Variants in DSCAM observed in about 807,000 individuals in gnomAD.
DSCAM encodes DS cell adhesion molecule.
Under a neutral mutation model 217.7 loss-of-function variants are expected in DSCAM, and 47 were observed. That is an observed-to-expected ratio of 0.22 (90% CI 0.17 to 0.28). The LOEUF (loss-of-function observed/expected upper bound fraction) is 0.28. Ranked by LOEUF, DSCAM falls within the 10% of genes least tolerant of loss-of-function variation. The pLI is 1.00. For missense variants in DSCAM, 2,080 were observed against 2,618.3 expected, an observed-to-expected ratio of 0.79 and a Z score of 4.49; for synonymous variants, 1,056 against 1,015.3, an observed-to-expected ratio of 1.04 and a Z score of -0.76.
chr21:40,184,487 A>G (rs1000373), intron 14 of DSCAM, among the ~76,000 whole-genome samples: 65,122 of 151,856 alleles, frequency 0.43, 16,933 homozygotes, highest in African/African-American at 0.74. Flanking sequence ...CTCCAGGGCT[A>G]CATAAACATC....
intron 3 of DSCAM, among the ~76,000 whole-genome samples, chr21:40,554,201 T>G (rs954224698): frequency 1.0e-3 from 156 of 151,902 alleles, no homozygotes; most frequent in Admixed American, 2.2e-3. Flanking sequence ...TGTTAGTTTT[T>G]TTTTTTTTTT....
intron 3 of DSCAM, among the ~76,000 whole-genome samples, chr21:40,419,766 T>C (rs926728054): frequency 1.1e-4 from 17 of 152,212 alleles, no homozygotes; most frequent in Non-Finnish European, 1.0e-4. Flanking sequence ...AATTCTATCA[T>C]TGTCAGCATC....
chr21:40,593,560 G>A (rs907207564), intron 3 of DSCAM, among the ~76,000 whole-genome samples: 11 of 152,110 alleles, frequency 7.2e-5, no homozygotes, highest in Non-Finnish European at 1.2e-4. Context: ...TGGCCAAGCT[G>A]GTCTTGAGCT....
intron 10 of DSCAM, among the ~76,000 whole-genome samples, chr21:40,279,054 A>G (rs1466628359): frequency 6.6e-6 from 1 of 152,208 alleles, no homozygotes; most frequent in African/African-American, 2.4e-5. Context: ...TAAAATATGA[A>G]TTTTCATAAA....
At chr21:40,577,695 A>C (rs2076864929) in intron 3 of DSCAM, among the ~76,000 whole-genome samples, 1 of 152,170 alleles carries the variant, frequency 6.6e-6, no homozygotes, top group Admixed American at 6.5e-5. Context: ...TGGTTTAGAA[A>C]GGGGAGGGGG....
chr21:40,770,139 T>A (rs1000332954), intron 1 of DSCAM, among the ~76,000 whole-genome samples: 3 of 152,180 alleles, frequency 2.0e-5, no homozygotes, highest in African/African-American at 7.2e-5. Flanking sequence ...TTATATCCAA[T>A]TATCTTCCTA....
At chr21:40,389,723 A>G (rs1451500962) in intron 3 of DSCAM, among the ~76,000 whole-genome samples, 2 of 152,206 alleles carry the variant, frequency 1.3e-5, no homozygotes, top group African/African-American at 2.4e-5. Context: ...AGAATGGACA[A>G]GTACTCTCGA....
At chr21:40,020,306 C>G (rs932063088) in intron 32 of DSCAM, among the ~76,000 whole-genome samples, 2 of 152,220 alleles carry the variant, frequency 1.3e-5, no homozygotes, top group African/African-American at 4.8e-5. Flanking sequence ...TAAATCTCTT[C>G]TTTATAAATT....
At chr21:40,469,113 G>A (rs1980405) in intron 3 of DSCAM, among the ~76,000 whole-genome samples, 38,111 of 152,042 alleles carry the variant, frequency 0.25, 4,882 homozygotes, top group Admixed American at 0.29. Context: ...ACTTACACCC[G>A]AAGGTCAGCA....
intron 4 of DSCAM, among the ~76,000 whole-genome samples, chr21:40,364,574 T>C (rs548317588): frequency 1.3e-5 from 2 of 151,532 alleles, no homozygotes; most frequent in East Asian, 3.9e-4. Context: ...ATATACCTAA[T>C]GTTAAATGAC....
chr21:40,792,034 A>T (rs1281167463), intron 1 of DSCAM, among the ~76,000 whole-genome samples: 1 of 151,316 alleles, frequency 6.6e-6, no homozygotes, highest in African/African-American at 2.4e-5. Flanking sequence ...TGGTGTTTGG[A>T]GGTAGGTTTT....
intron 3 of DSCAM, among the ~76,000 whole-genome samples, chr21:40,624,040 T>C (rs1195127366): frequency 6.6e-6 from 1 of 152,166 alleles, no homozygotes; most frequent in Non-Finnish European, 1.5e-5. Flanking sequence ...AGGATGGTTT[T>C]TTTTGCCCTG....
At chr21:40,061,031 A>C (rs1222471862) in intron 28 of DSCAM, among the ~76,000 whole-genome samples, 1 of 152,354 alleles carries the variant, frequency 6.6e-6, no homozygotes, top group East Asian at 1.9e-4. Context: ...GATACTGTAC[A>C]GGGAATTTGC....
rs1568942826 is a variant in DSCAM, at chr21:40,620,402, AAGGAGG to A, written c.508+72402_508+72407del. ...AGAAAGAAAGAGAAAGAAAGAAAGA[AAGGAGG>A]GAGGGAGGGAGAGAAGAGGGAGGGG... On this transcript the variant is annotated intron_variant, in intron 3 of 32. Transcript: ENST00000400454. Among the ~76,000 whole-genome samples the A allele has an allele frequency of 2.8e-5, 4 of 144,616 alleles. No individual in the cohort carries two copies. In the East Asian group the frequency reaches 8.8e-4, roughly 32 times the overall value. 94.9% of individuals were successfully genotyped at this position (144,616 alleles called of 152,430 possible).
intron 11 of DSCAM, among the ~76,000 whole-genome samples, chr21:40,228,059 T>C (rs1166026490): frequency 1.3e-5 from 2 of 152,192 alleles, no homozygotes; most frequent in South Asian, 2.1e-4. Flanking sequence ...CAGTTGGGGC[T>C]TGTCTGTTGT....
chr21:40,450,747 TTTG>T (rs1221212965), intron 3 of DSCAM, among the ~76,000 whole-genome samples: 3 of 152,170 alleles, frequency 2.0e-5, no homozygotes, highest in Non-Finnish European at 2.9e-5. Flanking sequence ...AAAGGTAAGT[TTTG>T]TTGTTGTTGC....
At chr21:40,257,509 C>T (rs921494565) in intron 11 of DSCAM, among the ~76,000 whole-genome samples, 3 of 151,232 alleles carry the variant, frequency 2.0e-5, no homozygotes, top group Non-Finnish European at 4.4e-5. Flanking sequence ...ATGGCAAACG[C>T]ACTCCCTGGC....
At chr21:40,623,860 G>A (rs942495767) in intron 3 of DSCAM, among the ~76,000 whole-genome samples, 12 of 152,164 alleles carry the variant, frequency 7.9e-5, no homozygotes, top group Admixed American at 3.3e-4. Context: ...CTGGGAACTG[G>A]ATGCTGTAAA....
At chr21:40,655,834 G>A (rs181453235) in intron 3 of DSCAM, among the ~76,000 whole-genome samples, 24 of 152,126 alleles carry the variant, frequency 1.6e-4, no homozygotes, top group Middle Eastern at 3.4e-3. Context: ...TGAGGGGATC[G>A]CTTGAGTCCA....
Sources: allele counts gnomAD v4.1 joint callset (sites outside exome capture counted in the v4.1 genomes callset), GRCh38; gene constraint gnomAD v4.1.1; transcripts MANE v1.5; gene names NCBI Gene and HGNC (gene_info 2026-07-23, HGNC 2026-07-21).